The following STAT4 variants were observed in gnomAD, a reference collection of about 807,000 sequenced individuals.
STAT4 encodes signal transducer and activator of transcription 4.
STAT4 carries 42 observed loss-of-function variants against 110.5 expected under a neutral mutation model. That is an observed-to-expected ratio of 0.38 (90% confidence interval 0.30 to 0.49). The LOEUF (loss-of-function observed/expected upper bound fraction) is 0.49. STAT4 is among the 20% of genes least tolerant of loss of function. STAT4 has a pLI of 0.95. For synonymous variants in STAT4, 284 were observed against 302.2 expected, an observed-to-expected ratio of 0.94 and a Z score of 0.63; for missense variants, 632 against 887.9, an observed-to-expected ratio of 0.71 and a Z score of 3.66.
rs1696875714 is a variant in STAT4, at chr2:191,062,455, C to T, written c.941+307G>A. Among the ~76,000 whole-genome samples the T allele has an allele frequency of 6.6e-6, 1 of 152,058 alleles. No homozygotes were observed. The highest frequency in any genetic ancestry group is 2.1e-4 in the South Asian group (1 of 4,824). ...TATAAACATGAAAATGTTCTCCATC[C>T]TTCATTTCATGGATATGCACATAAG... On this transcript the variant is annotated intron_variant, in intron 9 of 23. Coordinates refer to ENST00000392320, the MANE Select transcript of STAT4 (RefSeq NM_003151.4). The surrounding 1 kb of genome is among the most constrained non-coding windows in gnomAD (Gnocchi z 4.9).
intron 4 of STAT4, among the ~76,000 whole-genome samples, chr2:191,075,841 T>C (rs1553509106): frequency 0.046 from 6,584 of 143,734 alleles, 174 homozygotes; most frequent in Non-Finnish European, 0.073. Flanking sequence ...TTCTTTCTTT[T>C]TTTTTTTTTT....
intron 3 of STAT4, among the ~76,000 whole-genome samples, chr2:191,120,305 C>T (rs771554679): frequency 3.3e-5 from 5 of 151,950 alleles, no homozygotes; most frequent in Admixed American, 6.6e-5. Flanking sequence ...TGACAAAGAC[C>T]CACTTGGAAT....
rs541141893 is a variant in STAT4, at chr2:191,062,650, G to A, written c.941+112C>T. 1.1e-4 allele frequency: 134 copies of A among 1,176,620 alleles called. No homozygotes were observed. In the African/African-American group the frequency reaches 1.7e-3, roughly 15 times the overall value. 72.9% of individuals were successfully genotyped at this position (1,176,620 alleles called of 1,614,324 possible). ...TCTGGGGTTCTATTCACTTCTCCCT[G>A]AGGCTCGTTGTTGAATACTTCCCTG... On this transcript the variant is annotated intron_variant, in intron 9 of 23. Transcript: ENST00000392320. The surrounding 1 kb of genome is among the most constrained non-coding windows in gnomAD (Gnocchi z 4.9).
chr2:191,087,052 T>A (rs984802347), intron 3 of STAT4, among the ~76,000 whole-genome samples: 1 of 152,188 alleles, frequency 6.6e-6, no homozygotes, highest in East Asian at 1.9e-4. Context: ...TCTATAGAAA[T>A]GCCTCTTATT....
chr2:191,140,240 A>C lies in STAT4; in HGVS notation c.273+6373T>G, dbSNP rs569029199. The stretch of plus-strand genomic sequence containing the variant: ...GCAAATGCAACAAAAACAAAGATAA[A>C]TAGATGGGACCTAATTAACTAAAAA... On this transcript the variant is annotated intron_variant, in intron 3 of 23. Transcript: ENST00000392320. This position sits in a 1 kb window ranked among gnomAD's most constrained non-coding sequence, Gnocchi z 4.4. Among the ~76,000 whole-genome samples the C allele has an allele frequency of 6.6e-6, 1 of 152,376 alleles. No individual in the cohort carries two copies. The highest frequency in any genetic ancestry group is 2.1e-4 in the South Asian group (1 of 4,828).
rs1383223281 is a variant in STAT4, at chr2:191,147,665, T to A, written c.128+411A>T. ...AAACAATGGTAAATTTTATGTTATG[T>A]GTATTTTACCACAATAAAAAAGATG... On this transcript the variant is annotated intron_variant, in intron 2 of 23. Coordinates refer to ENST00000392320, the MANE Select transcript of STAT4 (RefSeq NM_003151.4). The surrounding 1 kb of genome is among the most constrained non-coding windows in gnomAD (Gnocchi z 4.1). Among the ~76,000 whole-genome samples the A allele has an allele frequency of 6.6e-6, 1 of 152,206 alleles. No individual in the cohort carries two copies. Among genetic ancestry groups the A allele is most frequent in the Non-Finnish European group, 1.5e-5 (1 of 68,028 alleles).
intron 6 of STAT4, among the ~76,000 whole-genome samples, chr2:191,067,789 T>A (rs184005803): frequency 1.5e-4 from 23 of 152,160 alleles, no homozygotes; most frequent in African/African-American, 5.3e-4. Context: ...GGGAGAAGAT[T>A]CCCTTTTTGC....
Position 191,110,904 on chromosome 2 carries a change from C to T in STAT4, c.274-34579G>A, listed in dbSNP as rs1315112143. On this transcript the variant is annotated intron_variant, in intron 3 of 23. Coordinates refer to ENST00000392320, the MANE Select transcript of STAT4 (RefSeq NM_003151.4). The surrounding 1 kb of genome is among the most constrained non-coding windows in gnomAD (Gnocchi z 4.5). ...GTTCAAGCGATTCCCCTGCCTCAGC[C>T]TCCTGAGTTGCCGGGATTACAGGTG... Among the ~76,000 whole-genome samples the T allele has an allele frequency of 3.3e-5, 5 of 152,158 alleles. No homozygotes were observed. Among genetic ancestry groups the T allele is most frequent in the Admixed American group, 3.3e-4 (5 of 15,280 alleles).
At position 191,043,457 on chromosome 2, in the gene STAT4, A is replaced by G. The variant is rs1696262398; in HGVS notation, c.1252-2309T>C. Among the ~76,000 whole-genome samples, 1 of 152,222 alleles carries G rather than the reference A, an allele frequency of 6.6e-6. No homozygotes were observed. The highest frequency in any genetic ancestry group is 2.4e-5 in the African/African-American group (1 of 41,466). ...GACATAAACAAATTGTAATTCTTAT[A>G]TACCACTTATGCAATTGTTACAATC... is the stretch of plus-strand genomic sequence containing the variant. On this transcript the variant is annotated intron_variant, in intron 14 of 23. Coordinates refer to ENST00000392320, the MANE Select transcript of STAT4 (RefSeq NM_003151.4). This position sits in a 1 kb window ranked among gnomAD's most constrained non-coding sequence, Gnocchi z 4.8.
chr2:191,093,900 C>T (rs1302116237), intron 3 of STAT4, among the ~76,000 whole-genome samples: 1 of 152,082 alleles, frequency 6.6e-6, no homozygotes, highest in Admixed American at 6.5e-5. Flanking sequence ...TTAAATGATC[C>T]GATGTTGCTG....
rs1452554952 is a variant in STAT4 at position 191,135,832 on chromosome 2, A to G, written c.273+10781T>C. Among the ~76,000 whole-genome samples, 1 of 152,130 alleles carries G rather than the reference A, an allele frequency of 6.6e-6. No homozygotes were observed. The highest frequency in any genetic ancestry group is 6.5e-5 in the Admixed American group (1 of 15,268). Reference sequence around the variant, plus strand: ...CACCAATTCTCCTCAAATTATTCCAAAAAATTGAAGAGGAAGAAATTCTCC... The same window carrying G: ...CACCAATTCTCCTCAAATTATTCCAGAAAATTGAAGAGGAAGAAATTCTCC... On this transcript the variant is annotated intron_variant, in intron 3 of 23. Coordinates refer to ENST00000392320, the MANE Select transcript of STAT4 (RefSeq NM_003151.4). This position sits in a 1 kb window ranked among gnomAD's most constrained non-coding sequence, Gnocchi z 4.8.
chr2:191,063,834 C>A (rs189618598), intron 8 of STAT4, among the ~76,000 whole-genome samples: 2 of 152,268 alleles, frequency 1.3e-5, no homozygotes, highest in Admixed American at 1.3e-4. Context: ...ATGAGTCAAA[C>A]TCCTTACATT....
At position 191,135,459 on chromosome 2, in the gene STAT4, G is replaced by C. The variant is rs1486188886; in HGVS notation, c.273+11154C>G. Among the ~76,000 whole-genome samples, 1 of 152,094 alleles carries C rather than the reference G, an allele frequency of 6.6e-6. No homozygotes were observed. The highest frequency in any genetic ancestry group is 2.4e-5 in the African/African-American group (1 of 41,404). ...TGACTTTACTGTCGAATTCTTTGTT[G>C]TTGTTGTTGTTATTGTTTTTGTTTG... On this transcript the variant is annotated intron_variant, in intron 3 of 23. Coordinates refer to ENST00000392320, the MANE Select transcript of STAT4 (RefSeq NM_003151.4). This position sits in a 1 kb window ranked among gnomAD's most constrained non-coding sequence, Gnocchi z 4.8.
rs1699410853 is a variant in STAT4 at position 191,144,498 on chromosome 2, A to C, written c.273+2115T>G. On this transcript the variant is annotated intron_variant, in intron 3 of 23. Transcript: ENST00000392320. This position sits in a 1 kb window ranked among gnomAD's most constrained non-coding sequence, Gnocchi z 4.7. The stretch of plus-strand genomic sequence containing the variant: ...TGAGGTAGGGATGTGGAGGAGCTCA[A>C]GGAAGATTGTTGGGAAAGGTCTAAA... 1.3e-5 allele frequency among the ~76,000 whole-genome samples: 2 copies of C among 152,142 alleles called. No homozygotes were observed. Among genetic ancestry groups the C allele is most frequent in the African/African-American group, 4.8e-5 (2 of 41,446 alleles).
chr2:191,046,365 T>C lies in STAT4; in HGVS notation c.1252-5217A>G, dbSNP rs538120343. ...CATGGGTAAAGATAGCACAGCCATC[T>C]TGAGCCATTGCCTGTCCCCTTTGCT... On this transcript the variant is annotated intron_variant, in intron 14 of 23. Transcript: ENST00000392320. This position sits in a 1 kb window ranked among gnomAD's most constrained non-coding sequence, Gnocchi z 4.6. 9.8e-5 allele frequency among the ~76,000 whole-genome samples: 15 copies of C among 152,358 alleles called. No individual in the cohort carries two copies. The highest frequency in any genetic ancestry group is 4.1e-4 in the South Asian group (2 of 4,828).
intron 8 of STAT4, 140 bp downstream of exon 8, chr2:191,064,667 A>T: frequency 9.6e-7 from 1 of 1,036,572 alleles, no homozygotes; most frequent in Non-Finnish European, 1.4e-6. Context: ...TTTCAACTGT[A>T]GATTTCTCAG....
intron 3 of STAT4, among the ~76,000 whole-genome samples, chr2:191,076,650 T>G (rs1697325971): frequency 6.9e-6 from 1 of 145,942 alleles, no homozygotes; most frequent in Admixed American, 6.8e-5. Flanking sequence ...GGTTTTTTCT[T>G]TTTTTTTTTT....
Position 191,032,391 on chromosome 2 carries a change from A to T in STAT4, c.2044+567T>A, listed in dbSNP as rs921943866. 6.6e-6 allele frequency: 1 copy of T among 152,238 alleles called. No individual in the cohort carries two copies. The highest frequency in any genetic ancestry group is 2.1e-4 in the South Asian group (1 of 4,828). The allele number at this position is 152,238 out of a possible 1,614,324, so 9.4% of individuals were successfully genotyped here. The stretch of plus-strand genomic sequence containing the variant: ...TATTTACTGAATCCCTCTTTTAGCC[A>T]GACATTGCTCTAGGTCCTAGGATAC... On this transcript the variant is annotated intron_variant, in intron 21 of 23. Coordinates refer to ENST00000392320, the MANE Select transcript of STAT4 (RefSeq NM_003151.4). The surrounding 1 kb of genome is among the most constrained non-coding windows in gnomAD (Gnocchi z 4.9).
intron 14 of STAT4, among the ~76,000 whole-genome samples, chr2:191,047,998 C>T (rs749864497): frequency 4.6e-5 from 7 of 152,068 alleles, no homozygotes; most frequent in Admixed American, 2.6e-4. Flanking sequence ...AATATACATA[C>T]GATAATTCAG....
Sources: allele counts gnomAD v4.1 joint callset (sites outside exome capture counted in the v4.1 genomes callset), GRCh38; gene constraint gnomAD v4.1.1; non-coding constraint Gnocchi (gnomAD v3.1); transcripts MANE v1.5; gene names NCBI Gene and HGNC (gene_info 2026-07-23, HGNC 2026-07-21).